The following POU2F1 variants were observed in gnomAD, a reference collection of about 807,000 sequenced individuals.
POU2F1 encodes POU domain, class 2, transcription factor 1.
A neutral mutation model predicts 84.9 loss-of-function variants in POU2F1; 16 were observed. That is an observed-to-expected ratio of 0.19 (90% confidence interval 0.13 to 0.29). The LOEUF (loss-of-function observed/expected upper bound fraction) is 0.29. Ranked by LOEUF, POU2F1 falls within the 10% of genes least tolerant of loss-of-function variation. The pLI, the probability that POU2F1 is intolerant of heterozygous loss-of-function variation, is 1.00. For synonymous variants in POU2F1, 368 were observed against 368.3 expected, an observed-to-expected ratio of 1.00 and a Z score of 0.01; for missense variants, 738 against 942.6, an observed-to-expected ratio of 0.78 and a Z score of 2.84.
intron 1 of POU2F1, among the ~76,000 whole-genome samples, chr1:167,222,786 A>G (rs1333885699): frequency 2.0e-4 from 30 of 152,142 alleles, no homozygotes. Flanking sequence ...TTGCAGTAGT[A>G]TTGGGCCTAG....
chr1:167,292,525 G>A (rs1654001075), intron 1 of POU2F1, among the ~76,000 whole-genome samples: 1 of 148,370 alleles, frequency 6.7e-6, no homozygotes. Flanking sequence ...TCCAGGACCA[G>A]ATGGATTCAC....
At chr1:167,329,906 A>G (rs1328629053) in intron 1 of POU2F1, among the ~76,000 whole-genome samples, 1 of 152,178 alleles carries the variant, frequency 6.6e-6, no homozygotes, top group African/African-American at 2.4e-5. Flanking sequence ...AATCAACTAT[A>G]TACTCTAGAT....
At chr1:167,405,386 A>T (rs1649495886) in intron 13 of POU2F1, among the ~76,000 whole-genome samples, 2 of 152,110 alleles carry the variant, frequency 1.3e-5, no homozygotes, top group African/African-American at 4.8e-5. Flanking sequence ...GTTAAAAAAA[A>T]AAAAATTCAG....
chr1:167,384,380 C>T (rs1251215144), intron 8 of POU2F1, among the ~76,000 whole-genome samples: 1 of 151,956 alleles, frequency 6.6e-6, no homozygotes, highest in African/African-American at 2.4e-5. Context: ...TAGCTCATTT[C>T]TACTAGACCA....
At chr1:167,306,469 C>T (rs866414174) in intron 1 of POU2F1, among the ~76,000 whole-genome samples, 18 of 152,096 alleles carry the variant, frequency 1.2e-4, no homozygotes, top group African/African-American at 4.3e-4. Flanking sequence ...GATATAATAC[C>T]TTTATTTTTA....
intron 2 of POU2F1, among the ~76,000 whole-genome samples, chr1:167,352,229 G>A (rs1481055207): frequency 1.3e-5 from 2 of 152,018 alleles, no homozygotes; most frequent in Non-Finnish European, 2.9e-5. Flanking sequence ...ATTTGAAGAC[G>A]TTTTTTGACA....
At chr1:167,306,841 G>C (rs1217919613) in intron 1 of POU2F1, among the ~76,000 whole-genome samples, 2 of 152,068 alleles carry the variant, frequency 1.3e-5, no homozygotes, top group Non-Finnish European at 2.9e-5. Context: ...CTTAACATTT[G>C]CAAAGGCCCT....
At chr1:167,271,755 T>G (rs1652382805) in intron 1 of POU2F1, among the ~76,000 whole-genome samples, 1 of 152,236 alleles carries the variant, frequency 6.6e-6, no homozygotes, top group African/African-American at 2.4e-5. Context: ...TAGACATTTA[T>G]AAATTTTTAT....
In POU2F1 at chr1:167,427,310, ACAT is replaced by A. The variant is rs746277101; in HGVS notation, c.*11504_*11506del. 4.6e-5 allele frequency: 7 copies of A among 152,114 alleles called. No homozygotes were observed. Among genetic ancestry groups the A allele is most frequent in the Admixed American group, 1.3e-4 (2 of 15,274 alleles). The allele number at this position is 152,114 out of a possible 1,614,324, so 9.4% of individuals were successfully genotyped here. On this transcript the variant is annotated 3_prime_UTR_variant, in exon 16 of 16. Coordinates refer to ENST00000367866, the MANE Select transcript of POU2F1 (RefSeq NM_002697.4). Reference sequence around the variant, plus strand: ...CTGTACAGTTCATTTCTGTTGTAAAACATCATTAAACCATCTTCCAAGTGTTTT... The same window carrying A: ...CTGTACAGTTCATTTCTGTTGTAAAACATTAAACCATCTTCCAAGTGTTTT...
intron 2 of POU2F1, among the ~76,000 whole-genome samples, chr1:167,351,519 C>CAAAAAAAAAAAAA (rs34170498): frequency 1.1e-4 from 5 of 45,986 alleles, no homozygotes; most frequent in African/African-American, 2.9e-4. Flanking sequence ...AGCACCATCT[C>CAAAAAAAAAAAAA]AAAAAAAAAA....
intron 2 of POU2F1, among the ~76,000 whole-genome samples, chr1:167,362,735 G>T (rs933841418): frequency 6.6e-6 from 1 of 152,142 alleles, no homozygotes; most frequent in Non-Finnish European, 1.5e-5. Context: ...AACAGTTTAG[G>T]ATTGGCTAAT....
At chr1:167,357,380 C>CCCCCA (rs1659027737) in intron 2 of POU2F1, 1 of 3,002 alleles carries the variant, frequency 3.3e-4, no homozygotes, top group Non-Finnish European at 8.1e-4. Context: ...CCCCCCCCCA[C>CCCCCA]CCCCCCCCGC....
At chr1:167,336,827 G>A (rs12723927) in intron 2 of POU2F1, among the ~76,000 whole-genome samples, 1,859 of 152,074 alleles carry the variant, frequency 0.012, 14 homozygotes, top group South Asian at 0.026. Context: ...CCAGGAGTTC[G>A]AGACCAGCAT....
intron 1 of POU2F1, among the ~76,000 whole-genome samples, chr1:167,223,094 G>T (rs1648359238): frequency 6.6e-6 from 1 of 152,024 alleles, no homozygotes. Context: ...CGTTAATTTT[G>T]TGCTATCATT....
intron 1 of POU2F1, among the ~76,000 whole-genome samples, chr1:167,285,292 T>C (rs985971407): frequency 6.6e-6 from 1 of 152,222 alleles, no homozygotes; most frequent in East Asian, 1.9e-4. Flanking sequence ...AATGGCGATA[T>C]GTACTTTAGA....
chr1:167,285,708 G>A (rs1653480139), intron 1 of POU2F1, among the ~76,000 whole-genome samples: 1 of 152,130 alleles, frequency 6.6e-6, no homozygotes, highest in Non-Finnish European at 1.5e-5. Flanking sequence ...TTTCTTCTCT[G>A]CCGTATCCTG....
intron 13 of POU2F1, among the ~76,000 whole-genome samples, chr1:167,410,509 GTTATTA>G (rs143839688): frequency 1.6e-5 from 2 of 128,848 alleles, no homozygotes; most frequent in African/African-American, 4.9e-5. Flanking sequence ...ACCAAAAAAT[GTTATTA>G]TTATTATTAT....
chr1:167,364,921 A>G lies in POU2F1; in HGVS notation c.128-546A>G, dbSNP rs373857903. Among the ~76,000 whole-genome samples the G allele has an allele frequency of 4.8e-4, 73 of 152,354 alleles. 1 individual carries two copies. The South Asian group carries it at 0.015, about 31-fold the overall frequency. On this transcript the variant is annotated intron_variant, in intron 2 of 15. Transcript: ENST00000367866. ...ACAGCAGGGCCCTTGCTAATGAGAT[A>G]CATGCAGCAATCTGTTGTTTAGGAT... is the stretch of plus-strand genomic sequence containing the variant.
Position 167,423,507 on chromosome 1 carries a change from G to C in POU2F1, c.*7697G>C, listed in dbSNP as rs2101969622. 6.6e-6 allele frequency: 1 copy of C among 152,264 alleles called. No individual in the cohort carries two copies. The highest frequency in any genetic ancestry group is 1.9e-4 in the East Asian group (1 of 5,188). 9.4% of individuals were successfully genotyped at this position (152,264 alleles called of 1,614,324 possible). A position where few individuals can be genotyped will look rare whatever the true frequency, so the allele number is the denominator to read the frequency against. On this transcript the variant is annotated 3_prime_UTR_variant, in exon 16 of 16. Transcript: ENST00000367866. The stretch of plus-strand genomic sequence containing the variant: ...TAGAGCACTTGAAACAGAAGTTCTG[G>C]GAAAACAAGGTGTGTGTAATGGAAC...
Sources: gnomAD v4.1 joint callset for allele counts (sites outside exome capture counted in the v4.1 genomes callset) on GRCh38, gnomAD v4.1.1 for gene constraint, MANE v1.5 for transcripts, NCBI Gene and HGNC (gene_info 2026-07-23, HGNC 2026-07-21) for gene names.